Variants in PDE4D observed in about 807,000 individuals in gnomAD.
The protein encoded by PDE4D is 3',5'-cyclic-AMP phosphodiesterase 4D.
PDE4D carries 24 observed loss-of-function variants against 87.4 expected under a neutral mutation model. The ratio of observed to expected loss-of-function variants is 0.27; its 90% CI spans 0.20 to 0.39. The LOEUF (loss-of-function observed/expected upper bound fraction) is 0.39, where lower values mean the gene tolerates loss of function less well. Ranked by LOEUF, PDE4D falls within the 10% of genes least tolerant of loss-of-function variation. The probability of loss-of-function intolerance (pLI) is 1.00; values close to 1 mark genes in which losing one functional copy is unlikely to be tolerated. For synonymous variants in PDE4D, 384 were observed against 383.2 expected (o/e 1.00, Z -0.02); for missense variants, 714 against 1,041.0 (o/e 0.69, Z 4.32).
chr5:59,711,597 T>C (rs1356450272), intron 1 of PDE4D, among the ~76,000 whole-genome samples: 2 of 152,146 alleles, frequency 1.3e-5, no homozygotes, highest in Non-Finnish European at 2.9e-5. Flanking sequence ...ACAATCAAAA[T>C]GGATTGTTCA....
chr5:59,490,417 AT>A (rs904607268), intron 1 of PDE4D, among the ~76,000 whole-genome samples: 19 of 152,074 alleles, frequency 1.2e-4, no homozygotes, highest in Non-Finnish European at 2.8e-4. Context: ...CTTTTATCTC[AT>A]TTTTTAAGAG....
chr5:59,111,850 T>C (rs780632466), intron 5 of PDE4D, among the ~76,000 whole-genome samples: 20 of 152,342 alleles, frequency 1.3e-4, no homozygotes, highest in African/African-American at 4.8e-4. Context: ...TATTCAAGAA[T>C]GTACTGAGCA....
chr5:60,436,997 A>C (rs1425794764), intron 1 of PDE4D, among the ~76,000 whole-genome samples: 1 of 152,134 alleles, frequency 6.6e-6, no homozygotes, highest in Non-Finnish European at 1.5e-5. Flanking sequence ...TTGGAGCTAG[A>C]GGTCTTGAGT....
intron 5 of PDE4D, among the ~76,000 whole-genome samples, chr5:59,142,808 T>A (rs916931566): frequency 5.3e-5 from 8 of 152,128 alleles, no homozygotes; most frequent in Admixed American, 5.2e-4. Context: ...TCCCAGCTAC[T>A]CGGGAGGCTG....
At chr5:60,161,109 G>A (rs1336409548) in intron 2 of PDE4D, among the ~76,000 whole-genome samples, 1 of 152,060 alleles carries the variant, frequency 6.6e-6, no homozygotes, top group East Asian at 1.9e-4. Context: ...TACCCCAGAT[G>A]CTAAAGGAAA....
At chr5:60,318,483 C>A (rs1202526786) in intron 1 of PDE4D, among the ~76,000 whole-genome samples, 1 of 152,194 alleles carries the variant, frequency 6.6e-6, no homozygotes, top group Non-Finnish European at 1.5e-5. Flanking sequence ...AGCCCATTTA[C>A]ATTTAAGGTT....
intron 1 of PDE4D, among the ~76,000 whole-genome samples, chr5:59,256,877 A>G (rs150460925): frequency 2.0e-5 from 3 of 152,224 alleles, no homozygotes; most frequent in African/African-American, 7.2e-5. Flanking sequence ...GATGAAAAGT[A>G]TGGCATACGA....
At chr5:59,679,872 A>G (rs1284707604) in intron 1 of PDE4D, among the ~76,000 whole-genome samples, 1 of 152,130 alleles carries the variant, frequency 6.6e-6, no homozygotes, top group East Asian at 1.9e-4. Flanking sequence ...TTACACAAAG[A>G]CCCTAATGAA....
chr5:59,376,378 TAC>T (rs1784737416), intron 1 of PDE4D, among the ~76,000 whole-genome samples: 2 of 152,250 alleles, frequency 1.3e-5, no homozygotes, highest in Admixed American at 1.3e-4. Flanking sequence ...CTAGCATTCC[TAC>T]ACACCAACAA....
chr5:59,184,185 T>G (rs2153479980), intron 4 of PDE4D, among the ~76,000 whole-genome samples: 1 of 152,344 alleles, frequency 6.6e-6, no homozygotes, highest in African/African-American at 2.4e-5. Context: ...AGAATAGGAC[T>G]GCAAAAATTC....
At position 59,870,082 on chromosome 5, in the gene PDE4D, C is replaced by G. The variant is rs1284514066; in HGVS notation, c.455+23086G>C. ...GGCAAGGTCTGTTATCTGGAATTTTCCATAAAGTCTCATGTGGTAAAAAAC... is the reference window on the plus strand; with the variant it reads ...GGCAAGGTCTGTTATCTGGAATTTTGCATAAAGTCTCATGTGGTAAAAAAC... On this transcript the variant is annotated intron_variant, in intron 1 of 14. Coordinates refer to ENST00000340635, the MANE Select transcript of PDE4D (RefSeq NM_001104631.2). 2.0e-5 allele frequency among the ~76,000 whole-genome samples: 3 copies of G among 152,140 alleles called. No individual in the cohort carries two copies. The East Asian group carries it at 5.8e-4, about 29-fold the overall frequency.
chr5:60,136,666 C>A (rs146549244), intron 2 of PDE4D, among the ~76,000 whole-genome samples: 1 of 152,106 alleles, frequency 6.6e-6, no homozygotes, highest in African/African-American at 2.4e-5. Context: ...ACAAAGACTA[C>A]TATTAGGTAT....
At chr5:60,295,793 C>T (rs944211364) in intron 1 of PDE4D, among the ~76,000 whole-genome samples, 12 of 152,204 alleles carry the variant, frequency 7.9e-5, no homozygotes, top group Admixed American at 7.2e-4. Flanking sequence ...TGCAGACTGA[C>T]TTGCTTGGTT....
At chr5:59,387,622 C>A (rs1478981552) in intron 1 of PDE4D, among the ~76,000 whole-genome samples, 1 of 151,880 alleles carries the variant, frequency 6.6e-6, no homozygotes, top group Non-Finnish European at 1.5e-5. Context: ...ACTTCATTAA[C>A]CCAAGGCTAA....
intron 1 of PDE4D, among the ~76,000 whole-genome samples, chr5:59,239,323 T>G (rs1333867447): frequency 6.6e-6 from 1 of 152,118 alleles, no homozygotes. Flanking sequence ...TTACCACCTG[T>G]GAAATTCTCC....
At chr5:59,257,821 C>T (rs371200840) in intron 1 of PDE4D, among the ~76,000 whole-genome samples, 10 of 152,088 alleles carry the variant, frequency 6.6e-5, no homozygotes, top group African/African-American at 2.4e-4. Flanking sequence ...TTTTCAAGGG[C>T]ACTTTTATGT....
intron 1 of PDE4D, among the ~76,000 whole-genome samples, chr5:60,278,411 G>T (rs568492629): frequency 1.2e-4 from 18 of 152,118 alleles, no homozygotes; most frequent in African/African-American, 4.3e-4. Flanking sequence ...TCCTGTTTAT[G>T]GTTCACTCAG....
intron 1 of PDE4D, among the ~76,000 whole-genome samples, chr5:59,460,945 C>T (rs1054577284): frequency 6.6e-6 from 1 of 152,176 alleles, no homozygotes; most frequent in Non-Finnish European, 1.5e-5. Flanking sequence ...ATACTGTGTG[C>T]TGTTGCAGCA....
intron 5 of PDE4D, among the ~76,000 whole-genome samples, chr5:59,103,196 T>C (rs1368595181): frequency 6.6e-6 from 1 of 152,168 alleles, no homozygotes; most frequent in African/African-American, 2.4e-5. Flanking sequence ...CCTGATCTAA[T>C]TGGGTTCTGA....
Sources: gnomAD v4.1 joint callset for allele counts (sites outside exome capture counted in the v4.1 genomes callset) on GRCh38, gnomAD v4.1.1 for gene constraint, MANE v1.5 for transcripts, NCBI Gene and HGNC (gene_info 2026-07-23, HGNC 2026-07-21) for gene names.